CDH18: variants seen among roughly 807,000 people sequenced by gnomAD.
CDH18 encodes the protein cadherin 18.
CDH18 carries 31 observed loss-of-function variants against 67.9 expected under a neutral mutation model. The ratio of observed to expected loss-of-function variants is 0.46; its 90% CI spans 0.34 to 0.62. CDH18 has a LOEUF of 0.62. Ranked by LOEUF, CDH18 falls within the 20% of genes least tolerant of loss-of-function variation. CDH18 has a pLI of 0.01. For synonymous variants in CDH18, 362 were observed against 347.2 expected, an observed-to-expected ratio of 1.04 and a Z score of -0.48; for missense variants, 890 against 975.5, an observed-to-expected ratio of 0.91 and a Z score of 1.17.
At chr5:19,483,982 T>G (rs1466243211) in intron 11 of CDH18, among the ~76,000 whole-genome samples, 2 of 152,174 alleles carry the variant, frequency 1.3e-5, no homozygotes, top group African/African-American at 4.8e-5. Context: ...ACTACTGAGG[T>G]GAAGTTGATG....
intron 3 of CDH18, among the ~76,000 whole-genome samples, chr5:19,811,980 AATGT>A (rs1312721436): frequency 6.6e-6 from 1 of 152,210 alleles, no homozygotes; most frequent in African/African-American, 2.4e-5. Context: ...GATATTGATA[AATGT>A]GTGTAAGTCT....
chr5:20,097,544 A>G (rs764378735), intron 2 of CDH18, among the ~76,000 whole-genome samples: 24 of 152,152 alleles, frequency 1.6e-4, no homozygotes, highest in Admixed American at 7.2e-4. Flanking sequence ...GCGAGCCACA[A>G]TTCCAGGTAA....
chr5:19,903,617 CTTTTT>C (rs59678864), intron 2 of CDH18, among the ~76,000 whole-genome samples: 6 of 89,978 alleles, frequency 6.7e-5, no homozygotes, highest in African/African-American at 2.1e-4. Flanking sequence ...AGCAAAGTGG[CTTTTT>C]TTTTTTTTTT....
intron 12 of CDH18, among the ~76,000 whole-genome samples, chr5:19,480,751 A>T (rs1739293840): frequency 6.9e-6 from 1 of 144,692 alleles, no homozygotes; most frequent in Non-Finnish European, 1.5e-5. Context: ...ATTTGTTTTT[A>T]TTTATTTATT....
chr5:19,510,884 T>C (rs925541999), intron 10 of CDH18, among the ~76,000 whole-genome samples: 1 of 151,802 alleles, frequency 6.6e-6, no homozygotes, highest in Admixed American at 6.6e-5. Flanking sequence ...CAATTTCAGC[T>C]CACTACAACT....
intron 1 of CDH18, among the ~76,000 whole-genome samples, chr5:20,280,817 C>T (rs1412476938): frequency 1.3e-5 from 2 of 152,152 alleles, no homozygotes; most frequent in African/African-American, 2.4e-5. Context: ...AGTTTACAGT[C>T]CCACCAACAG....
rs1028082619 is a variant in CDH18, at chr5:19,716,421, C to T, written c.643+4926G>A. ...ATATTAATTAAACTATAACGTGACT[C>T]CAAATAGTATATTAATCTTTGGTAG... On this transcript the variant is annotated intron_variant, in intron 5 of 12. Transcript: ENST00000382275. Among the ~76,000 whole-genome samples, 12 of 152,008 alleles carry T rather than the reference C, an allele frequency of 7.9e-5. No individual in the cohort carries two copies. In the Middle Eastern group the frequency reaches 0.017, roughly 218 times the overall value.
intron 12 of CDH18, among the ~76,000 whole-genome samples, chr5:19,475,499 TAAGTC>T (rs1441966906): frequency 6.7e-6 from 1 of 149,064 alleles, no homozygotes; most frequent in African/African-American, 2.5e-5. Context: ...CAAAAAATCT[TAAGTC>T]AAACTATTGT....
chr5:20,336,376 C>G (rs1739738827), intron 1 of CDH18, among the ~76,000 whole-genome samples: 1 of 152,096 alleles, frequency 6.6e-6, no homozygotes, highest in South Asian at 2.1e-4. Context: ...GGAATAACCA[C>G]AGGACAGCAC....
At chr5:19,582,871 A>G (rs1743499501) in intron 7 of CDH18, among the ~76,000 whole-genome samples, 1 of 151,940 alleles carries the variant, frequency 6.6e-6, no homozygotes. Flanking sequence ...AGGAATGACA[A>G]TGTAATCCTC....
intron 1 of CDH18, among the ~76,000 whole-genome samples, chr5:20,426,753 T>C (rs947349444): frequency 4.0e-5 from 6 of 151,106 alleles, no homozygotes; most frequent in Non-Finnish European, 5.9e-5. Flanking sequence ...ATTGAAACTT[T>C]TTCAAATAAA....
chr5:19,971,840 T>C (rs1010680889), intron 2 of CDH18, among the ~76,000 whole-genome samples: 1 of 135,066 alleles, frequency 7.4e-6, no homozygotes, highest in Admixed American at 7.5e-5. Flanking sequence ...GCCTCTAAAC[T>C]TAAACGTTAA....
At chr5:20,484,778 AACGATGGTT>A (rs1753057551) in intron 1 of CDH18, among the ~76,000 whole-genome samples, 1 of 152,104 alleles carries the variant, frequency 6.6e-6, no homozygotes, top group African/African-American at 2.4e-5. Context: ...TAGAGAGTAG[AACGATGGTT>A]ACCAGAGGCT....
At chr5:20,341,526 A>AAT (rs918113390) in intron 1 of CDH18, among the ~76,000 whole-genome samples, 15 of 111,486 alleles carry the variant, frequency 1.3e-4, no homozygotes, top group African/African-American at 3.6e-4. Flanking sequence ...AACTCTTTCT[A>AAT]ATATATATAT....
Position 19,612,612 on chromosome 5 carries a change from T to C in CDH18, c.644-11A>G. The C allele has an allele frequency of 6.3e-7, 1 of 1,587,772 alleles. No individual in the cohort carries two copies. The highest frequency in any genetic ancestry group is 8.6e-7 in the Non-Finnish European group (1 of 1,156,296). On this transcript the variant is annotated splice_polypyrimidine_tract_variant and intron_variant, in intron 5 of 12. Coordinates refer to ENST00000382275, the MANE Select transcript of CDH18 (RefSeq NM_004934.5). ...CCGTTCTAATAACTCCTGTAATAGA[T>C]ATATTTTAATAAACAGTATGAGCTA...
chr5:19,743,921 CAAAAAAAAAAAAAAAAAAAAAA>C (rs140476096), intron 4 of CDH18, among the ~76,000 whole-genome samples: 1 of 65,900 alleles, frequency 1.5e-5, no homozygotes, highest in Admixed American at 2.1e-4. Context: ...ACTCTTGTCT[CAAAAAAAAAAAAAAAAAAAAAA>C]AAAAAAAATC....
At chr5:19,693,962 A>G (rs1762230369) in intron 5 of CDH18, among the ~76,000 whole-genome samples, 1 of 151,992 alleles carries the variant, frequency 6.6e-6, no homozygotes, top group African/African-American at 2.4e-5. Context: ...TTGAAGATAA[A>G]ATCTGGGTCA....
At chr5:19,611,550 A>T (rs1168265176) in intron 6 of CDH18, among the ~76,000 whole-genome samples, 1 of 152,124 alleles carries the variant, frequency 6.6e-6, no homozygotes, top group Non-Finnish European at 1.5e-5. Flanking sequence ...TGCAAATGCT[A>T]TTAAGAGACA....
intron 1 of CDH18, among the ~76,000 whole-genome samples, chr5:20,497,814 T>C (rs1754002707): frequency 6.6e-6 from 1 of 152,194 alleles, no homozygotes; most frequent in South Asian, 2.1e-4. Context: ...TATACTATGC[T>C]GTTAGTATTT....
Sources: allele counts gnomAD v4.1 joint callset (sites outside exome capture counted in the v4.1 genomes callset), GRCh38; gene constraint gnomAD v4.1.1; transcripts MANE v1.5; gene names NCBI Gene and HGNC (gene_info 2026-07-23, HGNC 2026-07-21).